PLSCR2: variants seen among roughly 807,000 people sequenced by gnomAD.
The protein encoded by PLSCR2 is PL scramblase 2.
A neutral mutation model predicts 25.3 loss-of-function variants in PLSCR2; 18 were observed. That is an observed-to-expected ratio of 0.71 (90% confidence interval 0.49 to 1.06). The LOEUF is 1.06. PLSCR2 is among the 50% of genes least tolerant of loss of function. The probability of loss-of-function intolerance (pLI) is 0.00; values close to 1 mark genes in which losing one functional copy is unlikely to be tolerated. For synonymous variants in PLSCR2, 88 were observed against 87.3 expected (o/e 1.01, Z -0.04); for missense variants, 243 against 269.5 (o/e 0.90, Z 0.69).
At chr3:146,430,042 G>A (rs13081634), downstream of PLSCR2, among the ~76,000 whole-genome samples, 73,221 of 151,770 alleles carry the variant, frequency 0.48, 18,662 homozygotes, top group South Asian at 0.7. Context: ...TAAATTCCGC[G>A]CCTGGCTGGA....
In PLSCR2 at chr3:146,475,620, T is replaced by C. The variant is rs115900970; in HGVS notation, c.-292-15336A>G. Among the ~76,000 whole-genome samples, 1,445 of 152,346 alleles carry C rather than the reference T, an allele frequency of 9.5e-3. 10 individuals carry two copies. The highest frequency in any genetic ancestry group is 0.015 in the Non-Finnish European group (1,037 of 68,034). On this transcript the variant is annotated intron_variant, in intron 1 of 8. Coordinates refer to the PLSCR2 transcript ENST00000336685. Reference sequence around the variant, plus strand: ...TAATTATATTAATCTATTTTCTTCATTATGTGTGACCACTGACATCTATTC... The same window carrying C: ...TAATTATATTAATCTATTTTCTTCACTATGTGTGACCACTGACATCTATTC...
upstream of PLSCR2, among the ~76,000 whole-genome samples, chr3:146,460,597 G>C (rs1413432151): frequency 1.3e-5 from 2 of 152,198 alleles, no homozygotes; most frequent in Non-Finnish European, 2.9e-5. Flanking sequence ...CCCTGAAGGG[G>C]TATCTGTCAA....
chr3:146,445,175 C>T (rs2040476803), intron 6 of PLSCR2, among the ~76,000 whole-genome samples: 2 of 152,078 alleles, frequency 1.3e-5, no homozygotes, highest in Non-Finnish European at 2.9e-5. Context: ...AGTCTTTCTA[C>T]TTAGCATATG....
intron 2 of PLSCR2, among the ~76,000 whole-genome samples, chr3:146,427,029 C>A (rs1306862269): frequency 6.6e-6 from 1 of 152,080 alleles, no homozygotes; most frequent in African/African-American, 2.4e-5. Flanking sequence ...TAAAAGAATG[C>A]ATGCATTTTA....
intron 1 of PLSCR2, among the ~76,000 whole-genome samples, chr3:146,475,931 T>C (rs2042269000): frequency 1.3e-5 from 2 of 152,086 alleles, no homozygotes; most frequent in African/African-American, 4.8e-5. Flanking sequence ...TGTCAGAACT[T>C]TTAAAAGCCC....
intron 1 of PLSCR2, among the ~76,000 whole-genome samples, chr3:146,488,841 C>A (rs1029833569): frequency 3.3e-5 from 5 of 152,124 alleles, no homozygotes; most frequent in Non-Finnish European, 7.4e-5. Context: ...GAATATGAAT[C>A]ATTCTATTAT....
At chr3:146,426,201 C>T (rs13093774) in intron 2 of PLSCR2, among the ~76,000 whole-genome samples, 1 of 146,592 alleles carries the variant, frequency 6.8e-6, no homozygotes, top group Admixed American at 6.9e-5. Flanking sequence ...CTCCTTCCCT[C>T]CTTCCTTCCC....
chr3:146,449,688 T>C (rs1047667953), intron 5 of PLSCR2, among the ~76,000 whole-genome samples: 2 of 152,192 alleles, frequency 1.3e-5, no homozygotes, highest in South Asian at 2.1e-4. Flanking sequence ...GAAAAGGATA[T>C]AAATTTGAAG....
chr3:146,485,657 C>A (rs895295062), intron 1 of PLSCR2, among the ~76,000 whole-genome samples: 1 of 152,138 alleles, frequency 6.6e-6, no homozygotes, highest in Admixed American at 6.6e-5. Context: ...TCACTCAAAA[C>A]CATACAGCTA....
intron 1 of PLSCR2, chr3:146,469,496 C>T (rs1272855739): frequency 4.1e-6 from 4 of 984,504 alleles, no homozygotes; most frequent in Non-Finnish European, 4.8e-6. Flanking sequence ...CCCCCTTACC[C>T]GTGGCTGCAG....
intron 1 of PLSCR2, among the ~76,000 whole-genome samples, chr3:146,492,271 C>T (rs1293727912): frequency 6.6e-6 from 1 of 152,150 alleles, no homozygotes; most frequent in African/African-American, 2.4e-5. Flanking sequence ...TGAAGCTATT[C>T]AGGACTTAAA....
At chr3:146,455,350 C>A (rs1389444604) in exon 4 of PLSCR2, 2 of 1,613,466 alleles carry the variant, frequency 1.2e-6, no homozygotes, top group Admixed American at 1.7e-5. Flanking sequence ...GTCTAGACCG[C>A]CCACAGCAAT....
intron 2 of PLSCR2, among the ~76,000 whole-genome samples, chr3:146,409,958 G>A (rs779677093): frequency 1.3e-5 from 2 of 152,066 alleles, no homozygotes; most frequent in Non-Finnish European, 2.9e-5. Context: ...GAGGGAGGAG[G>A]ACTAGAGGCC....
intron 2 of PLSCR2, among the ~76,000 whole-genome samples, chr3:146,407,894 G>C (rs1003208416): frequency 1.3e-5 from 2 of 152,116 alleles, no homozygotes. Context: ...ACCTTCTCTA[G>C]GGGTACATCT....
At chr3:146,406,807 T>C (rs1046363128) in intron 2 of PLSCR2, among the ~76,000 whole-genome samples, 3 of 152,146 alleles carry the variant, frequency 2.0e-5, no homozygotes, top group African/African-American at 7.2e-5. Flanking sequence ...TCCTTCTTTC[T>C]GGAACTTTTT....
intron 1 of PLSCR2, among the ~76,000 whole-genome samples, chr3:146,483,280 C>T (rs565209158): frequency 5.9e-3 from 84 of 14,304 alleles, no homozygotes; most frequent in African/African-American, 0.023. Context: ...ACGTGGTGAA[C>T]GGGGGGTGGG....
intron 2 of PLSCR2, among the ~76,000 whole-genome samples, chr3:146,404,755 C>T (rs1241380035): frequency 7.6e-6 from 1 of 132,112 alleles, no homozygotes; most frequent in Non-Finnish European, 1.6e-5. Context: ...TTCCAAAATA[C>T]AATGGTGGAA....
chr3:146,454,290 T>A, intron 4 of PLSCR2, 127 bp from the exon 5 acceptor site: 1 of 574,406 alleles, frequency 1.7e-6, no homozygotes, highest in Non-Finnish European at 2.9e-6. Flanking sequence ...GGACTTTTTT[T>A]TTAAAGATTG....
upstream of PLSCR2, among the ~76,000 whole-genome samples, chr3:146,462,214 C>G (rs2041620977): frequency 6.6e-6 from 1 of 151,798 alleles, no homozygotes; most frequent in Admixed American, 6.6e-5. Context: ...CATTTAAATC[C>G]TTTGGGCTTG....
Sources: gnomAD v4.1 joint callset for allele counts (sites outside exome capture counted in the v4.1 genomes callset) on GRCh38, gnomAD v4.1.1 for gene constraint, MANE v1.5 for transcripts, NCBI Gene and HGNC (gene_info 2026-07-23, HGNC 2026-07-21) for gene names.